Variants in NXPH1 observed in about 807,000 individuals in gnomAD.
The protein encoded by NXPH1 is neurexophilin 1.
A neutral mutation model predicts 23.7 loss-of-function variants in NXPH1; 5 were observed. The ratio of observed to expected loss-of-function variants is 0.21; its 90% CI spans 0.11 to 0.44. The LOEUF is 0.44. NXPH1 is among the 20% of genes least tolerant of loss of function. NXPH1 has a pLI of 0.99. For synonymous variants in NXPH1, 144 were observed against 122.2 expected, an observed-to-expected ratio of 1.18 and a Z score of -1.18; for missense variants, 324 against 321.6, an observed-to-expected ratio of 1.01 and a Z score of -0.06.
At chr7:8,517,595 C>T (rs779915029) in intron 2 of NXPH1, among the ~76,000 whole-genome samples, 14 of 152,076 alleles carry the variant, frequency 9.2e-5, no homozygotes, top group African/African-American at 3.4e-4. Flanking sequence ...TACACAAGGA[C>T]TGAAGGGATA....
intron 2 of NXPH1, among the ~76,000 whole-genome samples, chr7:8,487,056 G>C (rs1440574153): frequency 6.6e-6 from 1 of 151,948 alleles, no homozygotes; most frequent in Non-Finnish European, 1.5e-5. Flanking sequence ...CACATTGAGA[G>C]CCTTTAGAGT....
intron 2 of NXPH1, among the ~76,000 whole-genome samples, chr7:8,465,417 C>A (rs542245657): frequency 4.1e-4 from 62 of 152,260 alleles, no homozygotes; most frequent in African/African-American, 1.4e-3. Context: ...CCTCTCACCC[C>A]TGAAAGGCTT....
intron 2 of NXPH1, among the ~76,000 whole-genome samples, chr7:8,622,265 C>G (rs535679547): frequency 6.6e-6 from 1 of 152,208 alleles, no homozygotes; most frequent in African/African-American, 2.4e-5. Flanking sequence ...CATTTTTCCC[C>G]AACAGATTGT....
At chr7:8,568,445 A>G (rs1818586098) in intron 2 of NXPH1, among the ~76,000 whole-genome samples, 1 of 151,868 alleles carries the variant, frequency 6.6e-6, no homozygotes, top group African/African-American at 2.4e-5. Flanking sequence ...GCAGATGCAT[A>G]AAGAGAAGGC....
intron 2 of NXPH1, among the ~76,000 whole-genome samples, chr7:8,527,336 A>G (rs1817878782): frequency 6.6e-6 from 1 of 152,190 alleles, no homozygotes; most frequent in African/African-American, 2.4e-5. Flanking sequence ...TGATGGCTGG[A>G]CAGTAGGCAG....
intron 2 of NXPH1, among the ~76,000 whole-genome samples, chr7:8,461,848 A>AAAAAAAAAAAGAAAAC (rs1816702583): frequency 6.7e-6 from 1 of 150,196 alleles, no homozygotes; most frequent in Non-Finnish European, 1.5e-5. Flanking sequence ...AAAAAAAAAA[A>AAAAAAAAAAAGAAAAC]AAAGAATAAA....
intron 2 of NXPH1, among the ~76,000 whole-genome samples, chr7:8,543,524 C>T (rs1179341993): frequency 6.6e-6 from 1 of 151,524 alleles, no homozygotes; most frequent in African/African-American, 2.4e-5. Flanking sequence ...GCCAAATCCT[C>T]AAAAATCCCA....
At chr7:8,521,256 A>G (rs892415570) in intron 2 of NXPH1, among the ~76,000 whole-genome samples, 2 of 152,140 alleles carry the variant, frequency 1.3e-5, no homozygotes, top group African/African-American at 4.8e-5. Flanking sequence ...GCTTGGCATC[A>G]CTGATGTCCC....
chr7:8,700,341 G>A (rs558482507), intron 2 of NXPH1, among the ~76,000 whole-genome samples: 9 of 152,094 alleles, frequency 5.9e-5, no homozygotes, highest in African/African-American at 1.9e-4. Context: ...ATTAAATCAG[G>A]CTTCATTTCT....
At chr7:8,456,159 C>G (rs1196333277) in intron 2 of NXPH1, among the ~76,000 whole-genome samples, 1 of 152,074 alleles carries the variant, frequency 6.6e-6, no homozygotes, top group East Asian at 1.9e-4. Flanking sequence ...TTGCCCATGA[C>G]AGAAATTAAA....
At position 8,500,769 on chromosome 7, in the gene NXPH1, G is replaced by A. The variant is rs531333161; in HGVS notation, c.54+65002G>A. Among the ~76,000 whole-genome samples, 19 of 152,132 alleles carry A rather than the reference G, an allele frequency of 1.2e-4. No homozygotes were observed. The South Asian group carries it at 2.1e-3, about 17-fold the overall frequency. ...CCTAATAGCAAAATACAGATTCAAC[G>A]TCTTTTACTTTCTTAACCTCATTTT... On this transcript the variant is annotated intron_variant, in intron 2 of 2. Coordinates refer to ENST00000405863, the MANE Select transcript of NXPH1 (RefSeq NM_152745.3).
At chr7:8,561,725 A>G (rs753151859) in intron 2 of NXPH1, among the ~76,000 whole-genome samples, 6 of 151,628 alleles carry the variant, frequency 4.0e-5, no homozygotes, top group African/African-American at 1.5e-4. Context: ...GTAAAGGTCC[A>G]TGAGTTCTCA....
chr7:8,657,185 A>G (rs536634880), intron 2 of NXPH1, among the ~76,000 whole-genome samples: 2 of 152,360 alleles, frequency 1.3e-5, no homozygotes, highest in Non-Finnish European at 1.5e-5. Flanking sequence ...GCATACAAAC[A>G]TTTAATTTGA....
intron 2 of NXPH1, among the ~76,000 whole-genome samples, chr7:8,742,176 C>T (rs1780378736): frequency 6.6e-6 from 1 of 152,102 alleles, no homozygotes; most frequent in African/African-American, 2.4e-5. Flanking sequence ...CCATGTAAGT[C>T]TATGGCCAGT....
chr7:8,491,589 G>A (rs1584190813), intron 2 of NXPH1, among the ~76,000 whole-genome samples: 1 of 152,020 alleles, frequency 6.6e-6, no homozygotes, highest in Non-Finnish European at 1.5e-5. Flanking sequence ...TTCAGTTAGT[G>A]TGGCTCATAA....
intron 2 of NXPH1, among the ~76,000 whole-genome samples, chr7:8,469,300 C>T (rs565698906): frequency 1.3e-5 from 2 of 151,646 alleles, no homozygotes; most frequent in South Asian, 4.2e-4. Context: ...CTATAGTGAC[C>T]CATGGACTTT....
chr7:8,573,787 A>C (rs1157824399), intron 2 of NXPH1, among the ~76,000 whole-genome samples: 1 of 152,174 alleles, frequency 6.6e-6, no homozygotes, highest in Non-Finnish European at 1.5e-5. Context: ...TAAGGTCATC[A>C]GCTATCAAAA....
chr7:8,613,587 G>T (rs527870835), intron 2 of NXPH1, among the ~76,000 whole-genome samples: 6 of 152,076 alleles, frequency 3.9e-5, no homozygotes, highest in Non-Finnish European at 7.4e-5. Flanking sequence ...ACTGGTTAAT[G>T]TAGGATATCT....
At chr7:8,622,299 T>C (rs1233434194) in intron 2 of NXPH1, among the ~76,000 whole-genome samples, 7 of 152,214 alleles carry the variant, frequency 4.6e-5, no homozygotes, top group African/African-American at 1.7e-4. Flanking sequence ...GTTATTCCCT[T>C]TGTATAGACA....
Sources: gnomAD v4.1 joint callset for allele counts (sites outside exome capture counted in the v4.1 genomes callset) on GRCh38, gnomAD v4.1.1 for gene constraint, MANE v1.5 for transcripts, NCBI Gene and HGNC (gene_info 2026-07-23, HGNC 2026-07-21) for gene names.